FER: variants seen among roughly 807,000 people sequenced by gnomAD.
FER encodes tyrosine-protein kinase Fer.
In FER, 63 loss-of-function variants were observed where a neutral mutation model predicts 111.0. The observed-to-expected ratio is 0.57, with a 90% CI of 0.46 to 0.70. The LOEUF (loss-of-function observed/expected upper bound fraction) is 0.70, where lower values mean the gene tolerates loss of function less well. Ranked by LOEUF, FER falls within the 30% of genes least tolerant of loss-of-function variation. The pLI is 0.00. For missense variants in FER, 914 were observed against 954.0 expected (o/e 0.96, Z 0.55); for synonymous variants, 327 against 313.9 (o/e 1.04, Z -0.44).
chr5:108,811,652 T>C (rs1385468512), intron 3 of FER, among the ~76,000 whole-genome samples: 1 of 152,152 alleles, frequency 6.6e-6, no homozygotes, highest in Non-Finnish European at 1.5e-5. Flanking sequence ...TGATTTATCA[T>C]GGAAGTCTAA....
At chr5:109,049,661 G>A (rs1487965765) in intron 16 of FER, among the ~76,000 whole-genome samples, 1 of 151,992 alleles carries the variant, frequency 6.6e-6, no homozygotes, top group Non-Finnish European at 1.5e-5. Context: ...TACATGCAGT[G>A]AAGCTGAACA....
At chr5:108,756,062 G>T (rs1217215871) in intron 1 of FER, among the ~76,000 whole-genome samples, 1 of 150,392 alleles carries the variant, frequency 6.6e-6, no homozygotes, top group Admixed American at 6.6e-5. Context: ...ACTGAGGCAG[G>T]AGAATTGCTT....
At chr5:108,925,192 A>C (rs1368407017) in intron 10 of FER, among the ~76,000 whole-genome samples, 2 of 151,560 alleles carry the variant, frequency 1.3e-5, no homozygotes, top group African/African-American at 2.4e-5. Flanking sequence ...GATGATATTA[A>C]GATTTCTATT....
intron 13 of FER, among the ~76,000 whole-genome samples, chr5:109,019,123 C>T (rs1446165655): frequency 6.6e-6 from 1 of 151,352 alleles, no homozygotes; most frequent in Non-Finnish European, 1.5e-5. Context: ...AAAAAATGTC[C>T]CTTTATCCAC....
chr5:109,145,435 C>G (rs893436027), intron 17 of FER, among the ~76,000 whole-genome samples: 1 of 152,000 alleles, frequency 6.6e-6, no homozygotes, highest in African/African-American at 2.4e-5. Context: ...TTAAATTTAC[C>G]TACATATTAT....
chr5:109,057,517 G>A (rs1773802284), intron 16 of FER, among the ~76,000 whole-genome samples: 1 of 147,980 alleles, frequency 6.8e-6, no homozygotes, highest in Non-Finnish European at 1.5e-5. Context: ...TAGAGACAGG[G>A]TCTCACTCTG....
At chr5:109,082,566 A>G (rs138322902) in intron 16 of FER, among the ~76,000 whole-genome samples, 103 of 152,124 alleles carry the variant, frequency 6.8e-4, no homozygotes, top group African/African-American at 1.9e-3. Flanking sequence ...CGTGTAAACT[A>G]TTAAACATAC....
At chr5:109,182,652 A>G (rs1758402892) in intron 18 of FER, among the ~76,000 whole-genome samples, 4 of 152,334 alleles carry the variant, frequency 2.6e-5, no homozygotes, top group Middle Eastern at 3.4e-3. Context: ...TCTCTGTGTT[A>G]TATAGCCTTT....
Position 108,749,782 on chromosome 5 carries a change from T to G in FER, c.-206+1782T>G, listed in dbSNP as rs3805602. Among the ~76,000 whole-genome samples, 17 of 152,320 alleles carry G rather than the reference T, an allele frequency of 1.1e-4. No individual in the cohort carries two copies. In the East Asian group the frequency reaches 3.3e-3, roughly 29 times the overall value. ...ATTGGGGAGATGTTTGGAGGCACCT[T>G]CAGGGGTCATCCTTCTGCCTTACAG... On this transcript the variant is annotated intron_variant, in intron 1 of 19. Transcript: ENST00000281092.
intron 16 of FER, among the ~76,000 whole-genome samples, chr5:109,050,046 A>G (rs1772557613): frequency 6.6e-6 from 1 of 152,218 alleles, no homozygotes; most frequent in African/African-American, 2.4e-5. Context: ...AGGCACGTTT[A>G]ATAGTCCACT....
rs568217277 is a variant in FER, at chr5:109,193,298, A to G, written c.*5723A>G. On this transcript the variant is annotated 3_prime_UTR_variant, in exon 20 of 20. Transcript: ENST00000281092. ...TAGCAAGCTGAGTAATGGCACACAT[A>G]TGTCTAGGATAGCCAGCATTCAGGA... The G allele has an allele frequency of 2.0e-5, 3 of 152,268 alleles. No homozygotes were observed. The South Asian group carries it at 6.2e-4, about 32-fold the overall frequency. 9.4% of individuals were successfully genotyped at this position (152,268 alleles called of 1,614,324 possible). A position where few individuals can be genotyped will look rare whatever the true frequency, so the allele number is the denominator to read the frequency against.
chr5:109,051,268 C>A (rs2149926129), intron 16 of FER: 1 of 1,284,352 alleles, frequency 7.8e-7, no homozygotes, highest in Admixed American at 1.7e-5. Flanking sequence ...CACCTTTTTT[C>A]TTCTCCACAA....
rs1759321151 is a variant in FER at position 109,190,766 on chromosome 5, G to A, written c.*3191G>A. 1 of 152,044 alleles carries A rather than the reference G, an allele frequency of 6.6e-6. No homozygotes were observed. Among genetic ancestry groups the A allele is most frequent in the African/African-American group, 2.4e-5 (1 of 41,414 alleles). 9.4% of individuals were successfully genotyped at this position (152,044 alleles called of 1,614,324 possible). On this transcript the variant is annotated 3_prime_UTR_variant, in exon 20 of 20. Coordinates refer to ENST00000281092, the MANE Select transcript of FER (RefSeq NM_005246.4). ...CTTTTATCTCCCAAATTTAATGTGGGCAATAAAATTCTCCTTTCGTAATTC... is the reference window on the plus strand; with the variant it reads ...CTTTTATCTCCCAAATTTAATGTGGACAATAAAATTCTCCTTTCGTAATTC...
intron 16 of FER, among the ~76,000 whole-genome samples, chr5:109,083,811 C>A (rs1486166691): frequency 1.3e-5 from 2 of 151,878 alleles, no homozygotes; most frequent in East Asian, 3.9e-4. Context: ...GGCAGGCATC[C>A]CAGACTCAAA....
chr5:108,883,276 A>G, intron 8 of FER, 120 bp from the exon 9 acceptor site: 1 of 917,896 alleles, frequency 1.1e-6, no homozygotes, highest in Non-Finnish European at 1.5e-6. Flanking sequence ...TTTAGTTTGA[A>G]TCAGATTATA....
chr5:109,160,520 C>T (rs920988728), intron 17 of FER, among the ~76,000 whole-genome samples: 2 of 152,262 alleles, frequency 1.3e-5, no homozygotes, highest in South Asian at 4.1e-4. Flanking sequence ...ACTATGTCTT[C>T]CCTACTTTAT....
intron 1 of FER, among the ~76,000 whole-genome samples, chr5:108,757,867 G>A (rs1005072635): frequency 6.6e-6 from 1 of 152,282 alleles, no homozygotes; most frequent in East Asian, 1.9e-4. Context: ...AAATATAGGA[G>A]CTAGACCTTA....
At position 108,879,699 on chromosome 5, in the gene FER, A is replaced by ATATATATATATATATATATATAT. The variant is rs1165401708; in HGVS notation, c.924-3697_924-3696insTATATATATATATATATATATAT. Among the ~76,000 whole-genome samples the ATATATATATATATATATATATAT allele has an allele frequency of 2.9e-3, 272 of 93,180 alleles. 3 individuals are homozygous for ATATATATATATATATATATATAT. The highest frequency in any genetic ancestry group is 6.0e-3 in the Middle Eastern group (1 of 166). 61.1% of individuals were successfully genotyped at this position (93,180 alleles called of 152,430 possible). On this transcript the variant is annotated intron_variant, in intron 8 of 19. Transcript: ENST00000281092. ...ATATGTATTTTTTTTAGATTAAAAA[A>ATATATATATATATATATATATAT]AAATATATATATATATATATATATA...
At position 109,062,180 on chromosome 5, in the gene FER, C is replaced by G. The variant is rs569443487; in HGVS notation, c.1924+14982C>G. On this transcript the variant is annotated intron_variant, in intron 16 of 19. Transcript: ENST00000281092. ...ATAGACAAGTTATTACTTAGAAATT[C>G]AAATTAAGAGAGGACTTTTAAAAGT... Among the ~76,000 whole-genome samples the G allele has an allele frequency of 3.0e-4, 46 of 152,096 alleles. 1 individual carries two copies. The highest frequency in any genetic ancestry group is 5.2e-4 in the Admixed American group (8 of 15,262).
Sources: allele counts gnomAD v4.1 joint callset (sites outside exome capture counted in the v4.1 genomes callset), GRCh38; gene constraint gnomAD v4.1.1; transcripts MANE v1.5; gene names NCBI Gene and HGNC (gene_info 2026-07-23, HGNC 2026-07-21).